The following LRRC71 variants were observed in gnomAD, a reference collection of about 807,000 sequenced individuals.
LRRC71 encodes leucine rich repeat containing 71.
In LRRC71, 54 loss-of-function variants were observed where a neutral mutation model predicts 66.6. That is an observed-to-expected ratio of 0.81 (90% confidence interval 0.65 to 1.02). LRRC71 has a LOEUF of 1.02. Among genes scored for constraint, LRRC71 ranks in the 50% least tolerant of loss-of-function variants. LRRC71 has a pLI of 0.00. For missense variants in LRRC71, 724 were observed against 718.0 expected, an observed-to-expected ratio of 1.01 and a Z score of -0.10; for synonymous variants, 323 against 303.9, an observed-to-expected ratio of 1.06 and a Z score of -0.65.
At position 156,924,960 on chromosome 1, in the gene LRRC71, G is replaced by C. The variant is rs1041061835; in HGVS notation, c.538G>C (p.Asp180His). The C allele has an allele frequency of 6.4e-7, 1 of 1,551,560 alleles. No homozygotes were observed. The highest frequency in any genetic ancestry group is 8.7e-7 in the Non-Finnish European group (1 of 1,147,008). Residue 180 changes from aspartate (D) to histidine (H), a missense_variant, in exon 5 of 15, where the codon GAT becomes CAT. Asp to His is a moderately conservative substitution (Grantham distance 81). Transcript: ENST00000337428. ...CAGCTTGTGGAAGGTGGGGCTGACC[G>C]ATAAGACCCTGACCACCTTCATCGA... ...AINLWKVGLT[D>H]KTLTTFIELL...
chr1:156,934,048 T>C (rs1654702152), downstream of LRRC71, among the ~76,000 whole-genome samples: 1 of 152,162 alleles, frequency 6.6e-6, no homozygotes, highest in East Asian at 1.9e-4. Context: ...GGAAAACCTA[T>C]CATTTCTTTG....
intron 1 of LRRC71, among the ~76,000 whole-genome samples, chr1:156,922,204 C>G (rs1352731188): frequency 6.6e-6 from 1 of 152,058 alleles, no homozygotes; most frequent in Admixed American, 6.6e-5. Context: ...ATAATTAAGT[C>G]CTGGCAATGA....
In LRRC71 at chr1:156,920,934, C is replaced by T. The variant is rs1270381594; in HGVS notation, c.131C>T (p.Pro44Leu). ...GAGAAGCCAGCGACCGTTCTGCCTCCCGTGGGGGAGGAGGAGCCCAAAAGC... is the reference window on the plus strand; with the variant it reads ...GAGAAGCCAGCGACCGTTCTGCCTCTCGTGGGGGAGGAGGAGCCCAAAAGC... ...AKEKPATVLP[P>L]VGEEEPKSPE... Residue 44 changes from proline to leucine, a missense_variant, in exon 1 of 15, where the codon CCC becomes CTC. Pro to Leu is a moderately conservative substitution (Grantham distance 98). Coordinates refer to ENST00000337428, the MANE Select transcript of LRRC71 (RefSeq NM_144702.3). This position sits in a 1 kb window ranked among gnomAD's most constrained non-coding sequence, Gnocchi z 4.9. The T allele has an allele frequency of 2.6e-6, 4 of 1,537,586 alleles. No individual in the cohort carries two copies. In the East Asian group the frequency reaches 1.0e-4, roughly 39 times the overall value.
intron 14 of LRRC71, 96 bp from the exon 15 acceptor site, chr1:156,932,757 C>A (rs768268370): frequency 1.0e-4 from 145 of 1,456,320 alleles, no homozygotes; most frequent in Non-Finnish European, 1.3e-4. Context: ...GTCCCCCAGC[C>A]CCTAACCCAC....
intron 11 of LRRC71, 113 bp downstream of exon 11, chr1:156,929,842 C>A: frequency 1.2e-6 from 1 of 819,894 alleles, no homozygotes; most frequent in Non-Finnish European, 1.9e-6. Context: ...GCTCATCTCG[C>A]CATGCCCCTC....
intron 9 of LRRC71, among the ~76,000 whole-genome samples, chr1:156,928,872 G>C (rs1313148336): frequency 1.3e-5 from 2 of 152,030 alleles, no homozygotes; most frequent in Non-Finnish European, 2.9e-5. Context: ...CACCTGGCCT[G>C]TGTTACTTAA....
chr1:156,930,072 C>T (rs1571069082), intron 11 of LRRC71, among the ~76,000 whole-genome samples: 1 of 115,232 alleles, frequency 8.7e-6, no homozygotes, highest in African/African-American at 3.5e-5. Context: ...TTCTTTCTTT[C>T]TTTCTTTTCT....
chr1:156,938,308 G>T, the LRRC71 span: 1 of 973,448 alleles, frequency 1.0e-6, no homozygotes, highest in Non-Finnish European at 1.5e-6. Context: ...CCAGGCAGCT[G>T]AGGGAGCTTG....
intron 14 of LRRC71, 57 bp from the exon 15 acceptor site, chr1:156,932,796 G>A (rs1455213444): frequency 1.8e-6 from 2 of 1,142,734 alleles, no homozygotes; most frequent in Non-Finnish European, 2.4e-6. Context: ...TTTTTTTTCT[G>A]CCAGAGGACT....
At chr1:156,927,155 C>A (rs1055051060) in intron 5 of LRRC71, 47 bp from the exon 6 acceptor site, 1 of 1,552,884 alleles carries the variant, frequency 6.4e-7, no homozygotes, top group Non-Finnish European at 8.8e-7. Flanking sequence ...CTTCCCTTAC[C>A]TGGCCTCAGT....
At chr1:156,932,647 A>T in intron 14 of LRRC71, 102 bp downstream of exon 14, 1 of 1,612,562 alleles carries the variant, frequency 6.2e-7, no homozygotes, top group African/African-American at 1.3e-5. Context: ...ATTTCCAAGG[A>T]AGGTCTGTAG....
rs1418296995 is a variant in LRRC71 at position 156,929,351 on chromosome 1, T to C, written c.1068T>C (p.Ser356=). ...EKSQMVGISN[S]ALVDKTDKTQ... ...GTCAGATGGTAGGGATCAGCAATAG[T>C]GCATTGGTGGACAAGACAGACAAGA... The change falls in exon 10 of 15, where the codon AGT becomes AGC. Residue 356 remains serine (S), a synonymous_variant. Coordinates refer to ENST00000337428, the MANE Select transcript of LRRC71 (RefSeq NM_144702.3). The C allele has an allele frequency of 3.7e-6, 6 of 1,613,314 alleles. No homozygotes were observed. The highest frequency in any genetic ancestry group is 1.3e-5 in the African/African-American group (1 of 74,924).
chr1:156,938,591 G>C, the LRRC71 span: 1 of 1,402,684 alleles, frequency 7.1e-7, no homozygotes, highest in Non-Finnish European at 1.0e-6. Context: ...ACAGGAAGGA[G>C]AGAGGGCAGG....
chr1:156,933,064 TAAC>T lies in LRRC71; in HGVS notation c.*98_*100del, dbSNP rs897774625. On this transcript the variant is annotated 3_prime_UTR_variant, in exon 15 of 15. Coordinates refer to ENST00000337428, the MANE Select transcript of LRRC71 (RefSeq NM_144702.3). ...CTCCCTGGGGGAGATCTCAGACCAA[TAAC>T]AAAGTCTGTTGCTATACTTTTCCTT... The T allele has an allele frequency of 1.2e-6, 1 of 811,630 alleles. No individual in the cohort carries two copies. The highest frequency in any genetic ancestry group is 2.0e-6 in the Non-Finnish European group (1 of 509,494). The allele number at this position is 811,630 out of a possible 1,614,324, so 50.3% of individuals were successfully genotyped here. A position where few individuals can be genotyped will look rare whatever the true frequency, so the allele number is the denominator to read the frequency against.
At chr1:156,940,146 A>G in the LRRC71 span, 1 of 1,507,770 alleles carries the variant, frequency 6.6e-7, no homozygotes, top group Non-Finnish European at 8.9e-7. Context: ...GGCGCCTGCC[A>G]GTTCACACTG....
chr1:156,932,241 G>A, intron 13 of LRRC71, 183 bp from the exon 14 acceptor site: 1 of 664,902 alleles, frequency 1.5e-6, no homozygotes, highest in South Asian at 1.8e-5. Context: ...AATGAGAGGA[G>A]TTAGAGAGAT....
chr1:156,930,974 G>A (rs547826442), intron 12 of LRRC71, among the ~76,000 whole-genome samples: 1 of 152,294 alleles, frequency 6.6e-6, no homozygotes, highest in African/African-American at 2.4e-5. Flanking sequence ...TTGGACTGTT[G>A]CATAGGAACA....
At chr1:156,936,517 TATATATATAAA>T (rs1655342050), downstream of LRRC71, among the ~76,000 whole-genome samples, 1 of 126,014 alleles carries the variant, frequency 7.9e-6, no homozygotes, top group African/African-American at 3.4e-5. Context: ...TATATATATA[TATATATATAAA>T]ATTAAAAAAA....
At chr1:156,925,887 A>G (rs1199748203) in intron 5 of LRRC71, among the ~76,000 whole-genome samples, 7 of 152,236 alleles carry the variant, frequency 4.6e-5, no homozygotes, top group Admixed American at 3.3e-4. Flanking sequence ...ATTTCCTTCC[A>G]TCATGGGAAT....
Sources: allele counts gnomAD v4.1 joint callset (sites outside exome capture counted in the v4.1 genomes callset), GRCh38; gene constraint gnomAD v4.1.1; non-coding constraint Gnocchi (gnomAD v3.1); transcripts MANE v1.5; gene names NCBI Gene and HGNC (gene_info 2026-07-23, HGNC 2026-07-21).